RBFOX1: variants seen among roughly 807,000 people sequenced by gnomAD.
The protein encoded by RBFOX1 is RNA binding protein fox-1 homolog 1.
Under a neutral mutation model 57.7 loss-of-function variants are expected in RBFOX1, and 8 were observed. That is an observed-to-expected ratio of 0.14 (90% CI 0.08 to 0.25). RBFOX1 has a LOEUF of 0.25. Ranked by LOEUF, RBFOX1 falls within the 10% of genes least tolerant of loss-of-function variation. The probability of loss-of-function intolerance (pLI) is 1.00; values close to 1 mark genes in which losing one functional copy is unlikely to be tolerated. For missense variants in RBFOX1, 611 were observed against 548.5 expected (o/e 1.11, Z -1.14); for synonymous variants, 326 against 222.4 (o/e 1.47, Z -4.15).
chr16:6,823,245 GTTTTC>G (rs1198018466), intron 3 of RBFOX1, among the ~76,000 whole-genome samples: 1 of 150,228 alleles, frequency 6.7e-6, no homozygotes, highest in East Asian at 2.0e-4. Flanking sequence ...AAATTGTTTT[GTTTTC>G]TTTTTTTTTT....
intron 2 of RBFOX1, among the ~76,000 whole-genome samples, chr16:6,507,946 A>C (rs2096149543): frequency 6.6e-6 from 1 of 152,184 alleles, no homozygotes; most frequent in Non-Finnish European, 1.5e-5. Flanking sequence ...CACAATAGCA[A>C]AGACATGGAA....
intron 2 of RBFOX1, among the ~76,000 whole-genome samples, chr16:6,377,568 A>C (rs2091333136): frequency 6.6e-6 from 1 of 152,156 alleles, no homozygotes; most frequent in African/African-American, 2.4e-5. Flanking sequence ...AACAACATGC[A>C]CTTCAGTGGA....
intron 4 of RBFOX1, among the ~76,000 whole-genome samples, chr16:7,224,922 C>G (rs2092996490): frequency 1.3e-5 from 2 of 152,246 alleles, no homozygotes; most frequent in Non-Finnish European, 2.9e-5. Context: ...GAAGCACTGT[C>G]CTAGTCACAG....
At chr16:7,045,427 C>G (rs770294846) in intron 3 of RBFOX1, among the ~76,000 whole-genome samples, 4 of 152,030 alleles carry the variant, frequency 2.6e-5, no homozygotes, top group South Asian at 2.1e-4. Flanking sequence ...TCTCATTTTC[C>G]TTATTTGGCT....
At chr16:6,993,123 C>A (rs903175087) in intron 3 of RBFOX1, among the ~76,000 whole-genome samples, 1 of 152,226 alleles carries the variant, frequency 6.6e-6, no homozygotes. Context: ...TGTGTAGGAT[C>A]CATAGATGGA....
intron 3 of RBFOX1, among the ~76,000 whole-genome samples, chr16:5,732,038 G>A (rs146961266): frequency 1.4e-3 from 218 of 152,234 alleles, no homozygotes; most frequent in African/African-American, 5.0e-3. Context: ...TTGCAGCCAC[G>A]CACAGGGTAA....
At chr16:7,406,127 C>T (rs2098336209) in intron 4 of RBFOX1, among the ~76,000 whole-genome samples, 1 of 152,150 alleles carries the variant, frequency 6.6e-6, no homozygotes, top group African/African-American at 2.4e-5. Context: ...ACCCGCATTG[C>T]CCAAAACACA....
rs559994098 is a variant in RBFOX1, at chr16:6,591,078, A to C, written c.-63-63525A>C. On this transcript the variant is annotated intron_variant, in intron 2 of 15. Transcript: ENST00000550418. ...TGGGCAGGATAGCTTATGTGTATTA[A>C]GTGCTGTGATTATTCTTAGATTTCT... Among the ~76,000 whole-genome samples, 42 of 152,276 alleles carry C rather than the reference A, an allele frequency of 2.8e-4. 1 individual carries two copies. The highest frequency in any genetic ancestry group is 1.0e-3 in the African/African-American group (42 of 41,570).
intron 2 of RBFOX1, among the ~76,000 whole-genome samples, chr16:6,444,424 T>G (rs1429150102): frequency 6.6e-6 from 1 of 152,114 alleles, no homozygotes; most frequent in South Asian, 2.1e-4. Context: ...TGGGAGGGAA[T>G]TGAATCATGG....
chr16:5,262,423 TCA>T (rs1483117976), intron 1 of RBFOX1, among the ~76,000 whole-genome samples: 8 of 152,054 alleles, frequency 5.3e-5, no homozygotes, highest in Non-Finnish European at 1.0e-4. Context: ...AAAGGTAGAG[TCA>T]CAGAGAATTT....
At chr16:6,988,408 C>T (rs1225219206) in intron 3 of RBFOX1, among the ~76,000 whole-genome samples, 1 of 152,066 alleles carries the variant, frequency 6.6e-6, no homozygotes, top group Admixed American at 6.6e-5. Flanking sequence ...TGCTGGATTT[C>T]AAAGACTTAG....
intron 4 of RBFOX1, among the ~76,000 whole-genome samples, chr16:7,291,916 AAT>A (rs1324237656): frequency 6.9e-6 from 1 of 145,126 alleles, no homozygotes; most frequent in Non-Finnish European, 1.5e-5. Context: ...TATTATATAT[AAT>A]ATATAATGTA....
intron 5 of RBFOX1, among the ~76,000 whole-genome samples, chr16:7,568,630 A>G (rs2152749492): frequency 6.6e-6 from 1 of 152,192 alleles, no homozygotes; most frequent in East Asian, 1.9e-4. Context: ...TCATGCCTGT[A>G]ATCCCAGCAC....
At chr16:6,310,901 TAAAAAAAAAA>T (rs200121160) in intron 1 of RBFOX1, among the ~76,000 whole-genome samples, 51,500 of 140,618 alleles carry the variant, frequency 0.37, 10,098 homozygotes, top group East Asian at 0.77. Context: ...ACCAGTGGTT[TAAAAAAAAAA>T]AAAAAAAAAG....
chr16:6,557,669 G>A (rs1445302198), intron 2 of RBFOX1, among the ~76,000 whole-genome samples: 1 of 152,294 alleles, frequency 6.6e-6, no homozygotes, highest in African/African-American at 2.4e-5. Flanking sequence ...AGGGGAAAAT[G>A]CTCCTTTCGA....
intron 4 of RBFOX1, among the ~76,000 whole-genome samples, chr16:7,187,443 A>G (rs1469666067): frequency 6.6e-6 from 1 of 151,776 alleles, no homozygotes; most frequent in African/African-American, 2.4e-5. Context: ...TAATCCCAGC[A>G]CTTTGAGAGG....
chr16:6,230,397 A>G (rs958440303), intron 1 of RBFOX1, among the ~76,000 whole-genome samples: 2 of 152,170 alleles, frequency 1.3e-5, no homozygotes, highest in African/African-American at 4.8e-5. Context: ...TTTAACTAAT[A>G]TGCCTCTGAT....
intron 2 of RBFOX1, among the ~76,000 whole-genome samples, chr16:5,579,589 A>T (rs2046591693): frequency 6.6e-6 from 1 of 151,798 alleles, no homozygotes; most frequent in Admixed American, 6.6e-5. Flanking sequence ...TGCTCAAACC[A>T]CGCCCTGGTG....
chr16:6,145,644 T>G (rs935380219), intron 1 of RBFOX1, among the ~76,000 whole-genome samples: 17 of 152,206 alleles, frequency 1.1e-4, no homozygotes, highest in African/African-American at 4.1e-4. Context: ...AGAGCCTAAA[T>G]GTTTGTTTTT....
Sources: gnomAD v4.1 joint callset for allele counts (sites outside exome capture counted in the v4.1 genomes callset) on GRCh38, gnomAD v4.1.1 for gene constraint, MANE v1.5 for transcripts, NCBI Gene and HGNC (gene_info 2026-07-23, HGNC 2026-07-21) for gene names.